Variants in KDM7A observed in about 807,000 individuals in gnomAD.
The protein encoded by KDM7A is lysine-specific demethylase 7A.
KDM7A carries 28 observed loss-of-function variants against 114.8 expected under a neutral mutation model. That is an observed-to-expected ratio of 0.24 (90% CI 0.18 to 0.33). KDM7A has a LOEUF of 0.33. KDM7A is among the 10% of genes least tolerant of loss of function. The pLI, the probability that KDM7A is intolerant of heterozygous loss-of-function variation, is 1.00. For missense variants in KDM7A, 942 were observed against 1,142.5 expected, an observed-to-expected ratio of 0.82 and a Z score of 2.53; for synonymous variants, 423 against 397.8, an observed-to-expected ratio of 1.06 and a Z score of -0.75.
chr7:140,126,701 T>G lies in KDM7A; in HGVS notation c.824A>C (p.Gln275Pro). The G allele has an allele frequency of 6.2e-7, 1 of 1,613,828 alleles. No individual in the cohort carries two copies. Among genetic ancestry groups the G allele is most frequent in the East Asian group, 2.2e-5 (1 of 44,852 alleles). ...AATGTGGAAATCTGTATAGCTGTCTTGAACTCCCATTAAGCAATATTTCTG... is the reference window on the plus strand; with the variant it reads ...AATGTGGAAATCTGTATAGCTGTCTGGAACTCCCATTAAGCAATATTTCTG... ...FVQKYCLMGV[Q>P]DSYTDFHIDF... is the part of the protein sequence containing the mutation. The change falls in exon 6 of 20, where the codon CAA becomes CCA. Residue 275 changes from glutamine (Q) to proline (P), a missense_variant. Gln to Pro is a moderately conservative substitution (Grantham distance 76, BLOSUM62 -1). Around this residue, in one of 4 missense-constraint regions of KDM7A, gnomAD observed 318 missense variants for 453.1 expected, o/e 0.70. Transcript: ENST00000397560.
At position 140,127,521 on chromosome 7, in the gene KDM7A, G is replaced by C. The variant is rs1818726216; in HGVS notation, c.622C>G (p.His208Asp). The change falls in exon 5 of 20, where the codon CAC (histidine) becomes GAC (aspartate). Residue 208 changes from histidine (H) to aspartate (D), a missense_variant. Coordinates refer to ENST00000397560, the MANE Select transcript of KDM7A (RefSeq NM_030647.2). ...ARQADSKMTL[H>D]NYVKYFMNPN... Reference sequence around the variant, plus strand: ...TTCATGAAGTATTTAACATAATTGTGAAGTGTCATTTTGCTGTCTGCCTGC... The same window carrying C: ...TTCATGAAGTATTTAACATAATTGTCAAGTGTCATTTTGCTGTCTGCCTGC... 6.2e-7 allele frequency: 1 copy of C among 1,613,488 alleles called. No individual in the cohort carries two copies. The highest frequency in any genetic ancestry group is 8.5e-7 in the Non-Finnish European group (1 of 1,179,506).
chr7:140,128,038 C>T (rs544244269), intron 4 of KDM7A, among the ~76,000 whole-genome samples: 5 of 152,120 alleles, frequency 3.3e-5, no homozygotes, highest in African/African-American at 1.2e-4. Flanking sequence ...AAAAAAAACA[C>T]ATCACTCATT....
chr7:140,150,277 G>C (rs1379279525), intron 1 of KDM7A, among the ~76,000 whole-genome samples: 1 of 152,176 alleles, frequency 6.6e-6, no homozygotes, highest in Non-Finnish European at 1.5e-5. Context: ...ACAAAAACTT[G>C]TTAGTACCTA....
rs141236897 is a variant in KDM7A, at chr7:140,095,137, T to G, written c.2375-999A>C. Among the ~76,000 whole-genome samples, 20 of 152,302 alleles carry G rather than the reference T, an allele frequency of 1.3e-4. No individual in the cohort carries two copies. In the East Asian group the frequency reaches 3.5e-3, roughly 26 times the overall value. On this transcript the variant is annotated intron_variant, in intron 17 of 19. Transcript: ENST00000397560. ...TGCTGGGATTACTGGCGTGAACCAC[T>G]GCGCCCAGTGATCTAGAATCAAATT...
chr7:140,112,559 C>T (rs763323531), intron 10 of KDM7A, among the ~76,000 whole-genome samples: 3 of 151,550 alleles, frequency 2.0e-5, no homozygotes, highest in Non-Finnish European at 4.4e-5. Flanking sequence ...TGCAGCGAGC[C>T]GAGATCGCAC....
In KDM7A at chr7:140,091,950, G is replaced by A. The variant is rs1161042853; in HGVS notation, c.2585C>T (p.Ser862Leu). ...CTGGCACGCCCCCGAAGTCAGGTTTGAATTCTGCATATACTTTCCATTCTG... is the reference window on the plus strand; with the variant it reads ...CTGGCACGCCCCCGAAGTCAGGTTTAAATTCTGCATATACTTTCCATTCTG... Reference protein sequence around the residue: ...SLQNGKYMQNSNLTSGACQIS... With the variant: ...SLQNGKYMQNLNLTSGACQIS... The change falls in exon 19 of 20, where the codon TCA (serine) becomes TTA (leucine). Residue 862 changes from serine to leucine, a missense_variant. Physicochemically the swap from Ser to Leu is moderately radical, Grantham distance 145. Coordinates refer to ENST00000397560, the MANE Select transcript of KDM7A (RefSeq NM_030647.2). The A allele has an allele frequency of 6.8e-6, 11 of 1,613,836 alleles. No individual in the cohort carries two copies. Among genetic ancestry groups the A allele is most frequent in the African/African-American group, 1.3e-5 (1 of 74,878 alleles).
chr7:140,113,552 G>A lies in KDM7A; in HGVS notation c.1277C>T (p.Thr426Ile). The A allele has an allele frequency of 3.7e-6, 6 of 1,604,916 alleles. No homozygotes were observed. Among genetic ancestry groups the A allele is most frequent in the Non-Finnish European group, 5.1e-6 (6 of 1,173,154 alleles). Residue 426 changes from threonine (T) to isoleucine (I), a missense_variant, in exon 10 of 20, where the codon ACT becomes ATT. Thr to Ile is a moderately conservative substitution (Grantham distance 89). This residue lies in a region of KDM7A where 318 missense variants were observed against 453.1 expected (regional missense o/e 0.70). Transcript: ENST00000397560. ...TGCTTTCACTCCCTGTACTAGGTAAGTTTGAGGCTGGAAACCATCTTCTCT... is the reference window on the plus strand; with the variant it reads ...TGCTTTCACTCCCTGTACTAGGTAAATTTGAGGCTGGAAACCATCTTCTCT... ...ELREDGFQPQ[T>I]YLVQGVKALH...
chr7:140,166,772 G>A (rs1350822146), intron 1 of KDM7A, among the ~76,000 whole-genome samples: 1 of 152,154 alleles, frequency 6.6e-6, no homozygotes, highest in East Asian at 1.9e-4. Context: ...CTCTATACGA[G>A]AGGTATAAGC....
Position 140,161,791 on chromosome 7 carries a change from G to A in KDM7A, c.194+14953C>T, listed in dbSNP as rs532283465. Among the ~76,000 whole-genome samples the A allele has an allele frequency of 9.9e-5, 15 of 151,842 alleles. No homozygotes were observed. In the East Asian group the frequency reaches 2.5e-3, roughly 26 times the overall value. On this transcript the variant is annotated intron_variant, in intron 1 of 19. Coordinates refer to ENST00000397560, the MANE Select transcript of KDM7A (RefSeq NM_030647.2). ...GATCTCCTGACCTCGTGATCCGCCC[G>A]CCTCGGCCTCCCAAAGTGCTAGGAT...
chr7:140,115,598 T>C (rs1363833225), intron 9 of KDM7A, among the ~76,000 whole-genome samples: 1 of 152,002 alleles, frequency 6.6e-6, no homozygotes, highest in African/African-American at 2.4e-5. Context: ...GAAGGTAGCA[T>C]GCTCGTTAAG....
chr7:140,135,968 T>C (rs1319274380), intron 2 of KDM7A, among the ~76,000 whole-genome samples: 3 of 152,076 alleles, frequency 2.0e-5, no homozygotes, highest in Non-Finnish European at 4.4e-5. Flanking sequence ...TTAAGTTTTA[T>C]TTCTTTTTTA....
At position 140,089,505 on chromosome 7, in the gene KDM7A, T is replaced by C. The variant is rs1253407433; in HGVS notation, c.*1589A>G. On this transcript the variant is annotated 3_prime_UTR_variant, in exon 20 of 20. Coordinates refer to ENST00000397560, the MANE Select transcript of KDM7A (RefSeq NM_030647.2). ...GCTGAGTAAAAAAAAGACAAATCCA[T>C]AATATGGCCATATTTCTTCTCCATA... The C allele has an allele frequency of 6.6e-6, 1 of 152,222 alleles. No homozygotes were observed. Among genetic ancestry groups the C allele is most frequent in the African/African-American group, 2.4e-5 (1 of 41,446 alleles). 9.4% of individuals were successfully genotyped at this position (152,222 alleles called of 1,614,324 possible). A position where few individuals can be genotyped will look rare whatever the true frequency, so the allele number is the denominator to read the frequency against.
chr7:140,129,071 G>A (rs1044804541), intron 4 of KDM7A, among the ~76,000 whole-genome samples: 4 of 152,216 alleles, frequency 2.6e-5, no homozygotes, highest in African/African-American at 4.8e-5. Context: ...CTAAGCAGCA[G>A]CAGGTCACAA....
intron 11 of KDM7A, among the ~76,000 whole-genome samples, chr7:140,108,685 G>A (rs762536425): frequency 4.6e-5 from 7 of 152,212 alleles, no homozygotes; most frequent in Non-Finnish European, 1.0e-4. Flanking sequence ...GCCCTTACTG[G>A]GAGGTGTCTC....
chr7:140,174,318 A>G (rs1357204027), intron 1 of KDM7A, among the ~76,000 whole-genome samples: 2 of 152,216 alleles, frequency 1.3e-5, no homozygotes, highest in Non-Finnish European at 2.9e-5. Flanking sequence ...GGCTCAAAAA[A>G]ACCTATTTTA....
intron 17 of KDM7A, among the ~76,000 whole-genome samples, chr7:140,095,901 A>T (rs562141585): frequency 3.7e-4 from 56 of 152,042 alleles, no homozygotes; most frequent in Non-Finnish European, 2.8e-4. Context: ...AATAAATAAT[A>T]AAAAAAATTA....
chr7:140,155,820 AG>A (rs1794452089), intron 1 of KDM7A, among the ~76,000 whole-genome samples: 1 of 152,220 alleles, frequency 6.6e-6, no homozygotes, highest in Admixed American at 6.5e-5. Context: ...TATTTTTAGA[AG>A]GATTTTGACA....
At chr7:140,100,689 C>CACATATACATATAT (rs1562945966) in intron 12 of KDM7A, among the ~76,000 whole-genome samples, 2 of 54,010 alleles carry the variant, frequency 3.7e-5, no homozygotes, top group Non-Finnish European at 7.3e-5. Flanking sequence ...TACATATATA[C>CACATATACATATAT]ATATATATAT....
intron 18 of KDM7A, among the ~76,000 whole-genome samples, chr7:140,092,331 C>G (rs1818035732): frequency 6.6e-6 from 1 of 152,190 alleles, no homozygotes; most frequent in East Asian, 1.9e-4. Flanking sequence ...TAAACAGGCA[C>G]CACGCCCTAC....
Sources: allele counts gnomAD v4.1 joint callset (sites outside exome capture counted in the v4.1 genomes callset), GRCh38; gene constraint gnomAD v4.1.1; regional missense constraint gnomAD v4.1.1; transcripts MANE v1.5; gene names NCBI Gene and HGNC (gene_info 2026-07-23, HGNC 2026-07-21).